Variants in CHM observed in about 807,000 individuals in gnomAD.
CHM encodes the protein rab proteins geranylgeranyltransferase component A 1.
In CHM, 10 loss-of-function variants were observed where a neutral mutation model predicts 49.0. That is an observed-to-expected ratio of 0.20 (90% confidence interval 0.13 to 0.35). The LOEUF (loss-of-function observed/expected upper bound fraction) is 0.35. CHM is among the 10% of genes least tolerant of loss of function. The probability of loss-of-function intolerance (pLI) is 1.00; values close to 1 mark genes in which losing one functional copy is unlikely to be tolerated. For synonymous variants in CHM, 184 were observed against 167.5 expected (o/e 1.10, Z -0.76); for missense variants, 455 against 478.4 (o/e 0.95, Z 0.46).
chrX:85,872,348 G>T (rs1045550061), intron 14 of CHM, among the ~76,000 whole-genome samples: 13 of 111,864 alleles, frequency 1.2e-4, no homozygotes, highest in African/African-American at 4.2e-4. Flanking sequence ...GTCCTGTCCA[G>T]GGCAAAGAAG....
chrX:86,017,860 A>T (rs1029624036), intron 2 of CHM, among the ~76,000 whole-genome samples: 7 of 112,406 alleles, frequency 6.2e-5, no homozygotes, highest in Non-Finnish European at 1.9e-5. Context: ...TAAAGCAAAA[A>T]TTGGAATTGC....
Position 85,993,796 on chromosome X carries a change from T to C in CHM, c.117-11987A>G, listed in dbSNP as rs1281106795. 2.7e-5 allele frequency among the ~76,000 whole-genome samples: 3 copies of C among 111,714 alleles called. No individual in the cohort carries two copies. The East Asian group carries it at 8.5e-4, about 31-fold the overall frequency. On this transcript the variant is annotated intron_variant, in intron 2 of 14. Transcript: ENST00000357749. ...CTGCTTTTATTAGTGCTATTGCCTATGCCCCAAATGCTATTCCACCATAAA... is the reference window on the plus strand; with the variant it reads ...CTGCTTTTATTAGTGCTATTGCCTACGCCCCAAATGCTATTCCACCATAAA...
chrX:85,861,783 TAAG>T lies in CHM; in HGVS notation c.*2844_*2846del. The T allele has an allele frequency of 8.9e-6, 1 of 111,759 alleles. No homozygotes were observed. The highest frequency in any genetic ancestry group is 1.9e-5 in the Non-Finnish European group (1 of 53,106). The allele number at this position is 111,759 out of a possible 1,213,427, so 9.2% of individuals were successfully genotyped here. ...AAATGGTATTATCATTTTCGGTTAA[TAAG>T]AAGCATGCATAACTAAACAGTTTAA... On this transcript the variant is annotated 3_prime_UTR_variant, in exon 15 of 15. Transcript: ENST00000357749.
chrX:85,878,130 G>A (rs1467632273), intron 13 of CHM, among the ~76,000 whole-genome samples: 1 of 111,965 alleles, frequency 8.9e-6, no homozygotes, highest in Admixed American at 9.5e-5. Flanking sequence ...CCATGAATAA[G>A]TAGCATATAC....
intron 8 of CHM, among the ~76,000 whole-genome samples, chrX:85,949,115 T>A (rs5968733): frequency 1.2e-4 from 13 of 110,625 alleles, no homozygotes; most frequent in African/African-American, 4.3e-4. Flanking sequence ...GCTCTGCAGA[T>A]AATAAAAATA....
intron 2 of CHM, among the ~76,000 whole-genome samples, chrX:86,009,547 T>A (rs1316847827): frequency 1.8e-5 from 2 of 112,467 alleles, no homozygotes; most frequent in Non-Finnish European, 3.8e-5. Flanking sequence ...TTAATTTTCA[T>A]GGGTCATCCT....
chrX:86,016,811 C>T (rs761940917), intron 2 of CHM, among the ~76,000 whole-genome samples: 1 of 111,831 alleles, frequency 8.9e-6, no homozygotes, highest in Non-Finnish European at 1.9e-5. Context: ...GTCCTCCAGA[C>T]CCTAGAATGG....
chrX:85,938,347 T>C (rs1002287621), intron 8 of CHM, among the ~76,000 whole-genome samples: 4 of 112,043 alleles, frequency 3.6e-5, no homozygotes, highest in East Asian at 2.8e-4. Context: ...TAAAATCATA[T>C]ACAAATTATT....
At chrX:85,995,029 T>C (rs1056794070) in intron 2 of CHM, among the ~76,000 whole-genome samples, 1 of 110,240 alleles carries the variant, frequency 9.1e-6, no homozygotes, top group African/African-American at 3.3e-5. Context: ...TTAAGAGCTG[T>C]CTCAATCTAG....
intron 8 of CHM, among the ~76,000 whole-genome samples, chrX:85,950,000 T>TATATATATATATATATATATATAA (rs1929652552): frequency 1.1e-5 from 1 of 87,624 alleles, no homozygotes; most frequent in Non-Finnish European, 2.2e-5. Context: ...TATATATATA[T>TATATATATATATATATATATATAA]ATATATATAT....
chrX:85,970,510 TAGC>T lies in CHM; in HGVS notation c.315-6461_315-6459del, dbSNP rs1347842267. 6 of 719,727 alleles carry T rather than the reference TAGC, an allele frequency of 8.3e-6. No individual in the cohort carries two copies. In the Admixed American group the frequency reaches 3.5e-4, roughly 42 times the overall value. The allele number at this position is 719,727 out of a possible 1,213,427, so 59.3% of individuals were successfully genotyped here. A position where few individuals can be genotyped will look rare whatever the true frequency, so the allele number is the denominator to read the frequency against. ...GAAATACAACATGATACACTGGAAA[TAGC>T]ACACGTTTTTGAGTTAGAAAAACAC... On this transcript the variant is annotated intron_variant, in intron 4 of 14. Coordinates refer to ENST00000357749, the MANE Select transcript of CHM (RefSeq NM_000390.4).
chrX:85,959,210 C>T (rs1435366599), intron 5 of CHM, among the ~76,000 whole-genome samples: 7 of 111,275 alleles, frequency 6.3e-5, no homozygotes, highest in Non-Finnish European at 9.4e-5. Flanking sequence ...GCAGCAAAAC[C>T]TGATCCATAC....
chrX:86,042,225 G>A (rs1016487283), intron 1 of CHM, among the ~76,000 whole-genome samples: 1 of 111,364 alleles, frequency 9.0e-6, no homozygotes, highest in Non-Finnish European at 1.9e-5. Flanking sequence ...GGCTACTTAA[G>A]TGACCTTTTC....
At chrX:86,014,800 GA>G (rs1453936318) in intron 2 of CHM, among the ~76,000 whole-genome samples, 3 of 112,098 alleles carry the variant, frequency 2.7e-5, no homozygotes, top group Non-Finnish European at 3.8e-5. Context: ...GACTCAGGGT[GA>G]AAGAACTTCA....
rs1339320495 is a variant in CHM, at chrX:85,861,824, A to G, written c.*2806T>C. The G allele has an allele frequency of 8.9e-6, 1 of 111,771 alleles. No homozygotes were observed. Among genetic ancestry groups the G allele is most frequent in the Admixed American group, 9.6e-5 (1 of 10,464 alleles). The allele number at this position is 111,771 out of a possible 1,213,427, so 9.2% of individuals were successfully genotyped here. A position where few individuals can be genotyped will look rare whatever the true frequency, so the allele number is the denominator to read the frequency against. On this transcript the variant is annotated 3_prime_UTR_variant, in exon 15 of 15. Transcript: ENST00000357749. Reference sequence around the variant, plus strand: ...CTAAACAGTTTAAATACTTGAATCAAAATTCTTTAATAGCATTTTCTGAAA... The same window carrying G: ...CTAAACAGTTTAAATACTTGAATCAGAATTCTTTAATAGCATTTTCTGAAA...
rs1017264196 is a variant in CHM at position 85,861,955 on chromosome X, A to G, written c.*2675T>C. On this transcript the variant is annotated 3_prime_UTR_variant, in exon 15 of 15. Coordinates refer to ENST00000357749, the MANE Select transcript of CHM (RefSeq NM_000390.4). ...AGACTTTTCTTTTTGATTTAAAACT[A>G]TAAGAACAAATATTTATTTGCAGTA... The G allele has an allele frequency of 1.1e-4, 12 of 112,347 alleles. No individual in the cohort carries two copies. Among genetic ancestry groups the G allele is most frequent in the Middle Eastern group, 4.6e-3 (1 of 219 alleles). 9.3% of individuals were successfully genotyped at this position (112,347 alleles called of 1,213,427 possible).
chrX:85,885,477 A>G (rs1925029169), intron 12 of CHM, among the ~76,000 whole-genome samples: 1 of 110,696 alleles, frequency 9.0e-6, no homozygotes, highest in Admixed American at 9.7e-5. Context: ...AGTATGTCCA[A>G]GTTAATTTGC....
intron 12 of CHM, among the ~76,000 whole-genome samples, chrX:85,886,731 C>T (rs1925109804): frequency 9.2e-6 from 1 of 109,040 alleles, no homozygotes; most frequent in South Asian, 4.0e-4. Context: ...AGGGCAGCAG[C>T]AAGAAAATAT....
intron 2 of CHM, among the ~76,000 whole-genome samples, chrX:86,007,073 T>G (rs12393088): frequency 0.17 from 18,851 of 110,459 alleles, 1,540 homozygotes; most frequent in Non-Finnish European, 0.25. Context: ...TATAAACCAA[T>G]GGAACAGAAC....
Sources: gnomAD v4.1 joint callset for allele counts (sites outside exome capture counted in the v4.1 genomes callset) on GRCh38, gnomAD v4.1.1 for gene constraint, MANE v1.5 for transcripts, NCBI Gene and HGNC (gene_info 2026-07-23, HGNC 2026-07-21) for gene names.